The following DMD variants were observed in gnomAD, a reference collection of about 807,000 sequenced individuals.
DMD encodes the protein mutant dystrophin.
A neutral mutation model predicts 330.1 loss-of-function variants in DMD; 63 were observed. That is an observed-to-expected ratio of 0.19 (90% CI 0.16 to 0.24). The LOEUF (loss-of-function observed/expected upper bound fraction) is 0.24, where lower values mean the gene tolerates loss of function less well. Ranked by LOEUF, DMD falls within the 10% of genes least tolerant of loss-of-function variation. The probability of loss-of-function intolerance (pLI) is 1.00; values close to 1 mark genes in which losing one functional copy is unlikely to be tolerated. For synonymous variants in DMD, 1,223 were observed against 959.8 expected (o/e 1.27, Z -5.07); for missense variants, 3,344 against 2,684.1 (o/e 1.25, Z -5.43).
chrX:32,079,854 G>A (rs948172114), intron 44 of DMD, among the ~76,000 whole-genome samples: 1 of 111,564 alleles, frequency 9.0e-6, no homozygotes, highest in Non-Finnish European at 1.9e-5. Context: ...ATCCCAGTGC[G>A]CCCAAAATTG....
chrX:32,558,520 A>T (rs808584), intron 16 of DMD, among the ~76,000 whole-genome samples: 3 of 110,376 alleles, frequency 2.7e-5, no homozygotes, highest in Admixed American at 9.7e-5. Context: ...ATACAGTGTA[A>T]TAATTTCATA....
chrX:31,278,004 G>C (rs2052295800), intron 62 of DMD, among the ~76,000 whole-genome samples: 1 of 67,001 alleles, frequency 1.5e-5, no homozygotes, highest in Non-Finnish European at 2.7e-5. Flanking sequence ...ATCTAAAATA[G>C]AAGTTGAAAT....
At chrX:33,140,397 A>T (rs2047736187) in intron 1 of DMD, among the ~76,000 whole-genome samples, 1 of 112,154 alleles carries the variant, frequency 8.9e-6, no homozygotes, top group African/African-American at 3.2e-5. Context: ...TAGTACAAAG[A>T]TGTTCAGGAG....
chrX:31,797,141 T>A (rs953095314), intron 50 of DMD, among the ~76,000 whole-genome samples: 3 of 111,696 alleles, frequency 2.7e-5, no homozygotes, highest in East Asian at 2.8e-4. Flanking sequence ...ATAAAAAATT[T>A]AAAAAAATTG....
chrX:32,125,684 G>A, intron 44 of DMD, among the ~76,000 whole-genome samples: 1 of 111,867 alleles, frequency 8.9e-6, no homozygotes, highest in Middle Eastern at 4.6e-3. Context: ...TTCCTTCTTT[G>A]GAACCTTGTG....
At chrX:31,461,456 A>G (rs1483972788) in intron 59 of DMD, among the ~76,000 whole-genome samples, 1 of 111,826 alleles carries the variant, frequency 8.9e-6, no homozygotes, top group African/African-American at 3.2e-5. Context: ...TGCTGAGGTG[A>G]GAACCATTGC....
intron 7 of DMD, among the ~76,000 whole-genome samples, chrX:32,704,074 T>C (rs758999759): frequency 1.8e-5 from 2 of 111,998 alleles, no homozygotes; most frequent in East Asian, 5.6e-4. Context: ...ACACCGTTTC[T>C]GATGAGTGTT....
chrX:33,015,541 T>C (rs892776092), intron 2 of DMD, among the ~76,000 whole-genome samples: 2 of 109,842 alleles, frequency 1.8e-5, no homozygotes, highest in African/African-American at 6.6e-5. Context: ...AGGGAGAGGA[T>C]CAGGAAAAAT....
chrX:32,081,684 G>A (rs905391648), intron 44 of DMD, among the ~76,000 whole-genome samples: 61 of 110,815 alleles, frequency 5.5e-4, no homozygotes, highest in African/African-American at 1.9e-3. Flanking sequence ...ATGAAACCCC[G>A]TCTCTACTAA....
At chrX:33,228,320 T>C (rs1408551490) in intron 1 of DMD, among the ~76,000 whole-genome samples, 1 of 107,633 alleles carries the variant, frequency 9.3e-6, no homozygotes, top group Non-Finnish European at 1.9e-5. Context: ...TGTAGGCATA[T>C]GCTTTTTCCA....
intron 1 of DMD, among the ~76,000 whole-genome samples, chrX:33,327,160 G>A (rs2054100018): frequency 8.9e-6 from 1 of 111,757 alleles, no homozygotes; most frequent in African/African-American, 3.3e-5. Flanking sequence ...GAGGAAAGTA[G>A]CATGCTAGGT....
At chrX:31,525,546 G>T (rs973324023) in intron 55 of DMD, among the ~76,000 whole-genome samples, 2 of 111,736 alleles carry the variant, frequency 1.8e-5, no homozygotes, top group Non-Finnish European at 3.8e-5. Context: ...TCATTTGAGG[G>T]TCTTTAATTT....
At chrX:31,983,403 A>G (rs2095489816) in intron 44 of DMD, among the ~76,000 whole-genome samples, 1 of 111,792 alleles carries the variant, frequency 8.9e-6, no homozygotes, top group Non-Finnish European at 1.9e-5. Context: ...GAAGAAGGGT[A>G]TAAATCAATA....
At chrX:32,080,846 T>TA (rs926228460) in intron 44 of DMD, among the ~76,000 whole-genome samples, 30 of 112,004 alleles carry the variant, frequency 2.7e-4, no homozygotes, top group African/African-American at 8.8e-4. Flanking sequence ...GCAGGAGTAG[T>TA]AAGGCTCACT....
chrX:32,475,036 T>C (rs1603634380), intron 21 of DMD, among the ~76,000 whole-genome samples: 1 of 111,460 alleles, frequency 9.0e-6, no homozygotes, highest in Non-Finnish European at 1.9e-5. Flanking sequence ...TTTTGTATAA[T>C]GTGAGAGATG....
chrX:32,484,347 T>C (rs1158086331), intron 21 of DMD, among the ~76,000 whole-genome samples: 2 of 111,944 alleles, frequency 1.8e-5, no homozygotes, highest in African/African-American at 6.5e-5. Flanking sequence ...TCTTGAAAAA[T>C]TTGCTAGTCG....
chrX:32,549,202 C>A (rs936084563), intron 16 of DMD, among the ~76,000 whole-genome samples: 2 of 111,728 alleles, frequency 1.8e-5, no homozygotes, highest in South Asian at 3.7e-4. Context: ...AATTATTAAA[C>A]ACCAGATCCA....
intron 41 of DMD, among the ~76,000 whole-genome samples, chrX:32,328,342 T>G (rs2097661711): frequency 2.7e-5 from 3 of 111,941 alleles, no homozygotes; most frequent in African/African-American, 9.7e-5. Context: ...AAATACCATT[T>G]TGGTACCTTT....
At chrX:32,892,375 T>C (rs907869868) in intron 2 of DMD, among the ~76,000 whole-genome samples, 11 of 109,750 alleles carry the variant, frequency 1.0e-4, no homozygotes, top group Non-Finnish European at 1.9e-4. Context: ...CGCCATGTTG[T>C]TTTGTTTGTT....
Sources: gnomAD v4.1 joint callset for allele counts (sites outside exome capture counted in the v4.1 genomes callset) on GRCh38, gnomAD v4.1.1 for gene constraint, MANE v1.5 for transcripts, NCBI Gene and HGNC (gene_info 2026-07-23, HGNC 2026-07-21) for gene names.